Variants in BICDL1 observed in about 807,000 individuals in gnomAD.
The protein encoded by BICDL1 is BICD family-like cargo adapter 1.
BICDL1 carries 20 observed loss-of-function variants against 76.8 expected under a neutral mutation model. That is an observed-to-expected ratio of 0.26 (90% confidence interval 0.18 to 0.38). BICDL1 has a LOEUF of 0.38. Among genes scored for constraint, BICDL1 ranks in the 10% least tolerant of loss-of-function variants. The probability of loss-of-function intolerance (pLI) is 1.00; values close to 1 mark genes in which losing one functional copy is unlikely to be tolerated. For synonymous variants in BICDL1, 383 were observed against 337.1 expected (o/e 1.14, Z -1.49); for missense variants, 700 against 798.6 (o/e 0.88, Z 1.49).
chr12:120,047,551 A>G (rs1042423298), intron 2 of BICDL1, among the ~76,000 whole-genome samples: 1 of 152,184 alleles, frequency 6.6e-6, no homozygotes, highest in African/African-American at 2.4e-5. Flanking sequence ...TAAAGCCAAT[A>G]TTCTATTTGG....
intron 8 of BICDL1, among the ~76,000 whole-genome samples, chr12:120,083,539 G>A (rs894204499): frequency 1.3e-5 from 2 of 151,832 alleles, no homozygotes; most frequent in African/African-American, 2.4e-5. Context: ...CAAGAGCCAC[G>A]GTGCCCAGCC....
intron 2 of BICDL1, among the ~76,000 whole-genome samples, chr12:120,054,923 G>C (rs1952943627): frequency 6.6e-6 from 1 of 152,072 alleles, no homozygotes. Flanking sequence ...ACAATGCTAA[G>C]TAAAAAATTA....
chr12:120,082,585 TTTTG>T (rs771956557), intron 8 of BICDL1, among the ~76,000 whole-genome samples: 20 of 151,236 alleles, frequency 1.3e-4, no homozygotes, highest in East Asian at 3.9e-4. Flanking sequence ...TTTTGTGTTT[TTTTG>T]TTTGTTTGTT....
At chr12:120,003,175 A>AC (rs1849529423) in intron 2 of BICDL1, among the ~76,000 whole-genome samples, 1 of 145,668 alleles carries the variant, frequency 6.9e-6, no homozygotes, top group Non-Finnish European at 1.5e-5. Flanking sequence ...AAAAAAAAAA[A>AC]ACAGTCGGTA....
chr12:120,037,938 C>T (rs529059752), intron 2 of BICDL1, among the ~76,000 whole-genome samples: 1 of 152,338 alleles, frequency 6.6e-6, no homozygotes, highest in South Asian at 2.1e-4. Flanking sequence ...ACTACTCTTG[C>T]TCCCTCACTA....
chr12:120,068,648 TCTA>T (rs1872839548), intron 4 of BICDL1, among the ~76,000 whole-genome samples: 1 of 152,226 alleles, frequency 6.6e-6, no homozygotes, highest in Non-Finnish European at 1.5e-5. Context: ...AAACCCCGTC[TCTA>T]CTAAAAATAC....
In BICDL1 at chr12:120,094,107, G is replaced by A. The variant is rs766698481; in HGVS notation, c.*946G>A. On this transcript the variant is annotated 3_prime_UTR_variant, in exon 10 of 10. Transcript: ENST00000548673. ...CACCACGGGGTGGAGGGGAGGGGGAGGCTGCCGGAAGCCTCCAGATGCTGC... is the reference window on the plus strand; with the variant it reads ...CACCACGGGGTGGAGGGGAGGGGGAAGCTGCCGGAAGCCTCCAGATGCTGC... 7 of 426,250 alleles carry A rather than the reference G, an allele frequency of 1.6e-5. No homozygotes were observed. The highest frequency in any genetic ancestry group is 1.1e-4 in the South Asian group (7 of 60,954). 26.4% of individuals were successfully genotyped at this position (426,250 alleles called of 1,614,324 possible).
chr12:120,091,122 G>A (rs1375800552), intron 9 of BICDL1: 1 of 1,253,404 alleles, frequency 8.0e-7, no homozygotes. Context: ...GCTGGAGCCT[G>A]GCGTCATCTC....
At chr12:120,013,534 T>C (rs938468638) in intron 2 of BICDL1, among the ~76,000 whole-genome samples, 1 of 150,422 alleles carries the variant, frequency 6.6e-6, no homozygotes, top group Non-Finnish European at 1.5e-5. Flanking sequence ...CGATCTCGGC[T>C]CACTGCAACC....
chr12:120,013,439 A>AGAGT (rs370032828), intron 2 of BICDL1, among the ~76,000 whole-genome samples: 6 of 134,892 alleles, frequency 4.4e-5, no homozygotes, highest in African/African-American at 1.7e-4. Flanking sequence ...CTTTAACCAG[A>AGAGT]GTGTGTGTGT....
intron 2 of BICDL1, among the ~76,000 whole-genome samples, chr12:120,025,833 G>C (rs1952288487): frequency 6.6e-6 from 1 of 151,604 alleles, no homozygotes; most frequent in Non-Finnish European, 1.5e-5. Flanking sequence ...TCCTTTTACT[G>C]CTTTCTTTTT....
intron 2 of BICDL1, among the ~76,000 whole-genome samples, chr12:120,015,312 A>G (rs1952037828): frequency 6.6e-6 from 1 of 152,218 alleles, no homozygotes; most frequent in Non-Finnish European, 1.5e-5. Flanking sequence ...CATAACAAAT[A>G]AGAAAGGGCA....
At chr12:120,064,493 A>G in intron 3 of BICDL1, 2 of 275,190 alleles carry the variant, frequency 7.3e-6, no homozygotes, top group Non-Finnish European at 6.7e-6. Context: ...TCTGCCTGGC[A>G]TCCCACATTC....
At chr12:120,075,408 C>A (rs963602445) in intron 7 of BICDL1, among the ~76,000 whole-genome samples, 1 of 124,600 alleles carries the variant, frequency 8.0e-6, no homozygotes. Flanking sequence ...TTTTTTATTT[C>A]TTTTTGAGAC....
chr12:120,064,915 G>A, intron 4 of BICDL1, 36 bp downstream of exon 4: 1 of 1,568,026 alleles, frequency 6.4e-7, no homozygotes, highest in South Asian at 1.2e-5. Context: ...CAGGACTAGA[G>A]CCAGATAAAA....
intron 2 of BICDL1, among the ~76,000 whole-genome samples, chr12:120,047,184 C>T (rs1192595039): frequency 2.6e-5 from 4 of 152,066 alleles, no homozygotes; most frequent in Admixed American, 1.3e-4. Flanking sequence ...TTTATACATG[C>T]CTTCTATAAA....
At chr12:120,075,598 T>C (rs1873480965) in intron 7 of BICDL1, among the ~76,000 whole-genome samples, 1 of 152,052 alleles carries the variant, frequency 6.6e-6, no homozygotes, top group Admixed American at 6.6e-5. Flanking sequence ...TTGCCTAGGC[T>C]GGTCTCAAAC....
chr12:120,024,855 T>G (rs993974645), intron 2 of BICDL1, among the ~76,000 whole-genome samples: 36 of 151,956 alleles, frequency 2.4e-4, no homozygotes, highest in African/African-American at 8.7e-4. Flanking sequence ...TTGTTATATT[T>G]TTAGTAAAGA....
chr12:120,084,389 T>C (rs756502634), intron 8 of BICDL1, among the ~76,000 whole-genome samples: 4 of 152,296 alleles, frequency 2.6e-5, no homozygotes, highest in Non-Finnish European at 2.9e-5. Flanking sequence ...TAAGAAATAC[T>C]TTGCCAGGGC....
Sources: allele counts gnomAD v4.1 joint callset (sites outside exome capture counted in the v4.1 genomes callset), GRCh38; gene constraint gnomAD v4.1.1; transcripts MANE v1.5; gene names NCBI Gene and HGNC (gene_info 2026-07-23, HGNC 2026-07-21).